Variants in SLC9B1 observed in about 807,000 individuals in gnomAD.
The protein encoded by SLC9B1 is sodium/hydrogen exchanger 9B1.
Under a neutral mutation model 51.7 loss-of-function variants are expected in SLC9B1, and 32 were observed. The observed-to-expected ratio is 0.62, with a 90% confidence interval of 0.47 to 0.83. The LOEUF (loss-of-function observed/expected upper bound fraction) is 0.83. SLC9B1 is among the 40% of genes least tolerant of loss of function. SLC9B1 has a pLI of 0.00. For missense variants in SLC9B1, 406 were observed against 613.2 expected (o/e 0.66, Z 3.57); for synonymous variants, 145 against 212.7 (o/e 0.68, Z 2.77).
intron 1 of SLC9B1, among the ~76,000 whole-genome samples, chr4:103,014,089 G>A (rs1200084095): frequency 6.6e-6 from 1 of 152,132 alleles, no homozygotes; most frequent in African/African-American, 2.4e-5. Context: ...CTTACATTCA[G>A]CTTATAGGGT....
chr4:102,955,282 A>G (rs1337927439), intron 3 of SLC9B1, among the ~76,000 whole-genome samples: 1 of 152,166 alleles, frequency 6.6e-6, no homozygotes, highest in African/African-American at 2.4e-5. Flanking sequence ...GCCACCATGT[A>G]AGAAGTGCCT....
chr4:102,917,998 G>T (rs1204510929), intron 7 of SLC9B1, among the ~76,000 whole-genome samples: 2 of 150,288 alleles, frequency 1.3e-5, no homozygotes, highest in African/African-American at 4.9e-5. Flanking sequence ...GAACCGGGAG[G>T]CAGAGGCTGC....
chr4:102,949,279 C>T lies in SLC9B1; in HGVS notation c.360G>A (p.Val120=). The T allele has an allele frequency of 6.2e-7, 1 of 1,601,556 alleles. No individual in the cohort carries two copies. The highest frequency in any genetic ancestry group is 8.5e-7 in the Non-Finnish European group (1 of 1,175,038). The change falls in exon 4 of 12, where the codon GTG becomes GTA. Residue 120 remains valine, a synonymous_variant. Coordinates refer to ENST00000296422, the MANE Select transcript of SLC9B1 (RefSeq NM_139173.4). ...TACCAAGAAGAGGTGGAAGTGGAGG[C>T]ACTAAAGGTATTCTAATGAGTTGTA... The part of the protein sequence containing the change: ...KILQLIRIPL[V]PPLPPLLGML...
At chr4:103,009,430 C>T (rs1439836437) in intron 1 of SLC9B1, among the ~76,000 whole-genome samples, 1 of 152,156 alleles carries the variant, frequency 6.6e-6, no homozygotes, top group Non-Finnish European at 1.5e-5. Flanking sequence ...TAATTCCTCA[C>T]CTCTCTCCTC....
chr4:102,908,147 T>G (rs375605617), intron 9 of SLC9B1, among the ~76,000 whole-genome samples: 3 of 151,518 alleles, frequency 2.0e-5, no homozygotes, highest in Admixed American at 6.6e-5. Context: ...CTGCAGTGAT[T>G]TAAAACAGTG....
chr4:103,009,011 G>A (rs953994179), intron 1 of SLC9B1, among the ~76,000 whole-genome samples: 2 of 151,932 alleles, frequency 1.3e-5, no homozygotes, highest in African/African-American at 4.8e-5. Context: ...TGTTAGCCAG[G>A]ATGGTTTTGA....
chr4:103,017,424 T>C (rs1741431874), intron 1 of SLC9B1, among the ~76,000 whole-genome samples: 1 of 152,228 alleles, frequency 6.6e-6, no homozygotes, highest in Non-Finnish European at 1.5e-5. Flanking sequence ...ACTTATTCCA[T>C]GGGTAGATTT....
chr4:102,942,496 CAGAAT>C (rs1405937388), intron 6 of SLC9B1, among the ~76,000 whole-genome samples: 2 of 152,132 alleles, frequency 1.3e-5, no homozygotes, highest in Non-Finnish European at 2.9e-5. Context: ...ACCAATGGAA[CAGAAT>C]AGAGAACTGA....
rs371017873 is a variant in SLC9B1 at position 102,943,708 on chromosome 4, G to A, written c.653+1485C>T. Reference sequence around the variant, plus strand: ...AGTTATGCTATGAGGATGCAAAAGCGTAAGAATGATACAATGGGCTTTGGG... The same window carrying A: ...AGTTATGCTATGAGGATGCAAAAGCATAAGAATGATACAATGGGCTTTGGG... On this transcript the variant is annotated intron_variant, in intron 6 of 11. Transcript: ENST00000296422. Among the ~76,000 whole-genome samples, 4 of 152,124 alleles carry A rather than the reference G, an allele frequency of 2.6e-5. No homozygotes were observed. In the East Asian group the frequency reaches 5.8e-4, roughly 22 times the overall value.
intron 1 of SLC9B1, among the ~76,000 whole-genome samples, chr4:103,019,312 C>T (rs1431609651): frequency 6.6e-6 from 1 of 152,130 alleles, no homozygotes; most frequent in African/African-American, 2.4e-5. Flanking sequence ...TCTTAACTGA[C>T]AGATCTCTTC....
intron 6 of SLC9B1, among the ~76,000 whole-genome samples, chr4:102,934,298 CAAAA>C (rs1305701161): frequency 6.6e-6 from 1 of 151,756 alleles, no homozygotes; most frequent in Non-Finnish European, 1.5e-5. Flanking sequence ...TATAAATAGA[CAAAA>C]TAAATTGGAA....
At chr4:102,971,731 T>C (rs1219298507) in intron 3 of SLC9B1, among the ~76,000 whole-genome samples, 2 of 151,982 alleles carry the variant, frequency 1.3e-5, no homozygotes, top group African/African-American at 4.8e-5. Flanking sequence ...ACAAAATTGA[T>C]AGACCACTAG....
At position 102,960,674 on chromosome 4, in the gene SLC9B1, T is replaced by C. The variant is rs963188283; in HGVS notation, c.212-11247A>G. Among the ~76,000 whole-genome samples the C allele has an allele frequency of 3.0e-4, 46 of 152,148 alleles. 1 individual carries two copies. The highest frequency in any genetic ancestry group is 2.9e-5 in the Non-Finnish European group (2 of 68,030). On this transcript the variant is annotated intron_variant, in intron 3 of 11. Transcript: ENST00000296422. The stretch of plus-strand genomic sequence containing the variant: ...GTAAGATATGAGTTTAGAGTCACTG[T>C]ATTTTTTTAGTAGTTCTACTAATAA...
chr4:102,950,670 G>A (rs1161115797), intron 3 of SLC9B1, among the ~76,000 whole-genome samples: 1 of 152,108 alleles, frequency 6.6e-6, no homozygotes, highest in Non-Finnish European at 1.5e-5. Flanking sequence ...CTGCAAAACT[G>A]GAAGCCTTGG....
intron 6 of SLC9B1, among the ~76,000 whole-genome samples, chr4:102,944,407 A>C (rs1737168288): frequency 6.6e-6 from 1 of 152,226 alleles, no homozygotes; most frequent in South Asian, 2.1e-4. Context: ...AAAAACTCGT[A>C]AGAGTTGTCA....
intron 6 of SLC9B1, among the ~76,000 whole-genome samples, chr4:102,940,002 A>C (rs1736910408): frequency 6.6e-6 from 1 of 152,218 alleles, no homozygotes. Context: ...TGTCCTAGCC[A>C]GTGCAATTAG....
At chr4:102,915,258 G>A (rs576074042) in intron 7 of SLC9B1, among the ~76,000 whole-genome samples, 1 of 152,198 alleles carries the variant, frequency 6.6e-6, no homozygotes, top group Non-Finnish European at 1.5e-5. Context: ...AGTCCTCCAT[G>A]TGGAAATGAA....
At chr4:102,951,602 C>T (rs1452146140) in intron 3 of SLC9B1, among the ~76,000 whole-genome samples, 1 of 151,058 alleles carries the variant, frequency 6.6e-6, no homozygotes, top group Non-Finnish European at 1.5e-5. Flanking sequence ...AAAAAAACCA[C>T]TAAGTACCCA....
At chr4:102,937,055 T>A (rs976446240) in intron 6 of SLC9B1, among the ~76,000 whole-genome samples, 4 of 152,170 alleles carry the variant, frequency 2.6e-5, no homozygotes, top group African/African-American at 9.7e-5. Context: ...ACAGTGGAAC[T>A]GTAAGATACT....
Sources: allele counts gnomAD v4.1 joint callset (sites outside exome capture counted in the v4.1 genomes callset), GRCh38; gene constraint gnomAD v4.1.1; transcripts MANE v1.5; gene names NCBI Gene and HGNC (gene_info 2026-07-23, HGNC 2026-07-21).